TASP1: variants seen among roughly 807,000 people sequenced by gnomAD.
TASP1 encodes the protein taspase 1.
TASP1 carries 16 observed loss-of-function variants against 56.6 expected under a neutral mutation model. The ratio of observed to expected loss-of-function variants is 0.28; its 90% CI spans 0.19 to 0.43. The LOEUF is 0.43. Ranked by LOEUF, TASP1 falls within the 20% of genes least tolerant of loss-of-function variation. The pLI is 1.00. For synonymous variants in TASP1, 179 were observed against 184.2 expected, an observed-to-expected ratio of 0.97 and a Z score of 0.23; for missense variants, 393 against 511.6, an observed-to-expected ratio of 0.77 and a Z score of 2.24.
the TASP1 span, among the ~76,000 whole-genome samples, chr20:13,179,973 C>T: frequency 2.6e-5 from 4 of 152,150 alleles, no homozygotes; most frequent in Admixed American, 6.5e-5. Context: ...ATGGACACAG[C>T]GTTGGCCATT....
chr20:13,508,876 T>C (rs966029638), intron 10 of TASP1, among the ~76,000 whole-genome samples: 13 of 152,190 alleles, frequency 8.5e-5, no homozygotes, highest in African/African-American at 3.1e-4. Context: ...GGAACCCTTG[T>C]ACACTGTTGG....
intron 6 of TASP1, among the ~76,000 whole-genome samples, chr20:13,579,425 G>A (rs2047038888): frequency 6.6e-6 from 1 of 151,638 alleles, no homozygotes; most frequent in African/African-American, 2.4e-5. Context: ...CTAGAGTGAA[G>A]TGGCGCGATC....
At chr20:13,504,231 T>A (rs2044050589) in intron 10 of TASP1, among the ~76,000 whole-genome samples, 1 of 151,264 alleles carries the variant, frequency 6.6e-6, no homozygotes, top group Non-Finnish European at 1.5e-5. Flanking sequence ...TACAAGAAAA[T>A]TCCCAAAGGT....
chr20:13,337,343 G>A, the TASP1 span, among the ~76,000 whole-genome samples: 2 of 152,160 alleles, frequency 1.3e-5, no homozygotes, highest in Admixed American at 6.5e-5. Flanking sequence ...GCTATGAGAA[G>A]AGCCAAGTCT....
chr20:13,247,233 A>C, the TASP1 span, among the ~76,000 whole-genome samples: 1 of 150,144 alleles, frequency 6.7e-6, no homozygotes, highest in African/African-American at 2.4e-5. Flanking sequence ...TCTCCGTCTC[A>C]AAAAAAAAAT....
intron 7 of TASP1, among the ~76,000 whole-genome samples, chr20:13,568,899 C>A (rs1489048796): frequency 1.3e-5 from 2 of 152,106 alleles, no homozygotes; most frequent in South Asian, 2.1e-4. Flanking sequence ...TAAAAGGGAA[C>A]AAATTTAACA....
chr20:13,221,252 C>CCTTCTCCTT, the TASP1 span, among the ~76,000 whole-genome samples: 2 of 115,284 alleles, frequency 1.7e-5, no homozygotes, highest in African/African-American at 6.1e-5. Flanking sequence ...TCCTCCTCCT[C>CCTTCTCCTT]CTCCTCCTCC....
intron 10 of TASP1, among the ~76,000 whole-genome samples, chr20:13,494,243 A>G (rs1402383955): frequency 6.6e-6 from 1 of 152,226 alleles, no homozygotes; most frequent in Non-Finnish European, 1.5e-5. Context: ...CACTTATGAC[A>G]TCTATGCTTC....
At chr20:13,185,701 G>T in the TASP1 span, among the ~76,000 whole-genome samples, 8 of 152,090 alleles carry the variant, frequency 5.3e-5, no homozygotes, top group Non-Finnish European at 1.2e-4. Context: ...GACCTGCTAA[G>T]GGCCTTACAT....
At chr20:13,402,143 C>T (rs2041761344) in intron 13 of TASP1, among the ~76,000 whole-genome samples, 3 of 152,288 alleles carry the variant, frequency 2.0e-5, no homozygotes, top group Admixed American at 2.0e-4. Flanking sequence ...TTATTCGCAC[C>T]TCTGGGAAGA....
At chr20:13,246,611 C>G in the TASP1 span, among the ~76,000 whole-genome samples, 1 of 152,184 alleles carries the variant, frequency 6.6e-6, no homozygotes, top group Non-Finnish European at 1.5e-5. Context: ...CGTGTTTTTT[C>G]ATTTTATAGA....
At chr20:13,265,663 G>A in the TASP1 span, among the ~76,000 whole-genome samples, 2 of 152,122 alleles carry the variant, frequency 1.3e-5, no homozygotes, top group Non-Finnish European at 2.9e-5. Context: ...AAAACCTCTT[G>A]CAATTGTGAT....
chr20:13,258,645 G>C, the TASP1 span, among the ~76,000 whole-genome samples: 1 of 151,958 alleles, frequency 6.6e-6, no homozygotes. Context: ...CTCTTTTCTC[G>C]AACCTCAGTT....
At chr20:13,221,552 T>TGCG in the TASP1 span, among the ~76,000 whole-genome samples, 3,835 of 141,564 alleles carry the variant, frequency 0.027, 57 homozygotes, top group Middle Eastern at 0.062. Flanking sequence ...TCCGCCGTGG[T>TGCG]GCGGCGGCGG....
chr20:13,467,884 T>G (rs1318077833), intron 11 of TASP1, among the ~76,000 whole-genome samples: 7 of 151,840 alleles, frequency 4.6e-5, no homozygotes, highest in Non-Finnish European at 1.0e-4. Context: ...GGCATGGTGG[T>G]GGGCACCTGT....
intron 4 of TASP1, among the ~76,000 whole-genome samples, chr20:13,599,463 T>C (rs2047871260): frequency 6.6e-6 from 1 of 152,030 alleles, no homozygotes; most frequent in African/African-American, 2.4e-5. Flanking sequence ...CACTCATAGA[T>C]GGGAACTGAA....
chr20:13,282,774 G>T, the TASP1 span, among the ~76,000 whole-genome samples: 1 of 152,138 alleles, frequency 6.6e-6, no homozygotes, highest in Non-Finnish European at 1.5e-5. Context: ...CACATGAATA[G>T]CCCCGGGCCT....
the TASP1 span, among the ~76,000 whole-genome samples, chr20:13,364,633 T>C: frequency 6.6e-6 from 1 of 151,688 alleles, no homozygotes; most frequent in Non-Finnish European, 1.5e-5. Context: ...AGTCTACATA[T>C]CTGACCCCCG....
At chr20:13,131,179 G>A in the TASP1 span, among the ~76,000 whole-genome samples, 3 of 152,086 alleles carry the variant, frequency 2.0e-5, no homozygotes, top group Non-Finnish European at 2.9e-5. Flanking sequence ...TTAAATCTTC[G>A]ATGTATATTT....
Sources: allele counts gnomAD v4.1 joint callset (sites outside exome capture counted in the v4.1 genomes callset), GRCh38; gene constraint gnomAD v4.1.1; transcripts MANE v1.5; gene names NCBI Gene and HGNC (gene_info 2026-07-23, HGNC 2026-07-21).